The following EHHADH variants were observed in gnomAD, a reference collection of about 807,000 sequenced individuals.
EHHADH encodes enoyl-CoA hydratase and 3-hydroxyacyl CoA dehydrogenase, also known as peroxisomal bifunctional enzyme.
In EHHADH, 48 loss-of-function variants were observed where a neutral mutation model predicts 64.4. The ratio of observed to expected loss-of-function variants is 0.75; its 90% CI spans 0.59 to 0.95. The LOEUF is 0.95. Among genes scored for constraint, EHHADH ranks in the 40% least tolerant of loss-of-function variants. The pLI, the probability that EHHADH is intolerant of heterozygous loss-of-function variation, is 0.00. For missense variants in EHHADH, 854 were observed against 876.6 expected (o/e 0.97, Z 0.33); for synonymous variants, 308 against 326.7 (o/e 0.94, Z 0.62).
chr3:185,219,144 C>T (rs1416762528), intron 4 of EHHADH, among the ~76,000 whole-genome samples: 2 of 152,140 alleles, frequency 1.3e-5, no homozygotes, highest in Admixed American at 1.3e-4. Flanking sequence ...ATTAAAATTA[C>T]CTAGGACAAA....
chr3:185,195,786 G>A (rs778221181), intron 6 of EHHADH, among the ~76,000 whole-genome samples: 19 of 152,164 alleles, frequency 1.2e-4, no homozygotes, highest in Admixed American at 5.2e-4. Flanking sequence ...AAGGGGGAGT[G>A]AGGGAAGACG....
In EHHADH at chr3:185,218,100, T is replaced by C. The variant is rs767269605; in HGVS notation, c.568+36A>G. 30 of 1,474,112 alleles carry C rather than the reference T, an allele frequency of 2.0e-5. No homozygotes were observed. In the East Asian group the frequency reaches 6.2e-4, roughly 31 times the overall value. The allele number at this position is 1,474,112 out of a possible 1,614,324, so 91.3% of individuals were successfully genotyped here. On this transcript the variant is annotated intron_variant, in intron 5 of 6. Transcript: ENST00000231887. ...TATTTAAATGAACATGTATCCTGTT[T>C]ACAGTCTTTGGCTATTTTTATTATT...
At chr3:185,240,219 TTTTTG>T (rs1273980502) in intron 2 of EHHADH, among the ~76,000 whole-genome samples, 3 of 147,056 alleles carry the variant, frequency 2.0e-5, no homozygotes, top group African/African-American at 7.5e-5. Context: ...TGGCCTTTAG[TTTTTG>T]TTTTTTTTTT....
chr3:185,238,506 T>A (rs762896986), intron 2 of EHHADH, among the ~76,000 whole-genome samples: 6 of 152,198 alleles, frequency 3.9e-5, no homozygotes, highest in African/African-American at 2.4e-5. Context: ...TGATGATTAG[T>A]GATGTTGAGA....
intron 2 of EHHADH, among the ~76,000 whole-genome samples, chr3:185,243,041 T>C (rs1719499957): frequency 6.6e-6 from 1 of 152,240 alleles, no homozygotes; most frequent in Non-Finnish European, 1.5e-5. Flanking sequence ...CCTTTCCTGC[T>C]GCTTCCTCCA....
Position 185,216,712 on chromosome 3 carries a change from C to G in EHHADH, c.568+1424G>C, listed in dbSNP as rs777149076. Among the ~76,000 whole-genome samples, 1 of 152,108 alleles carries G rather than the reference C, an allele frequency of 6.6e-6. No individual in the cohort carries two copies. Among genetic ancestry groups the G allele is most frequent in the Non-Finnish European group, 1.5e-5 (1 of 68,014 alleles). ...TTTCAGGAAAGTGTTTGGTCTCTGC[C>G]AAGGTCAACAAAAGAATGACTCCTT... On this transcript the variant is annotated intron_variant, in intron 5 of 6. Coordinates refer to ENST00000231887, the MANE Select transcript of EHHADH (RefSeq NM_001966.4). This position sits in a 1 kb window ranked among gnomAD's most constrained non-coding sequence, Gnocchi z 5.3.
chr3:185,217,995 G>C, intron 5 of EHHADH, 141 bp downstream of exon 5: 1 of 436,614 alleles, frequency 2.3e-6, no homozygotes, highest in East Asian at 3.9e-5. Context: ...TCGATCTCCT[G>C]ACCTCGTGAT....
intron 5 of EHHADH, among the ~76,000 whole-genome samples, chr3:185,215,629 A>G (rs928263877): frequency 6.6e-6 from 1 of 152,220 alleles, no homozygotes; most frequent in African/African-American, 2.4e-5. Context: ...CCCCCTTAAA[A>G]TGCATGAATT....
intron 1 of EHHADH, chr3:185,253,705 T>G (rs1719812715): frequency 6.9e-6 from 6 of 866,694 alleles, no homozygotes; most frequent in African/African-American, 1.8e-5. Flanking sequence ...TCAGTTTCCT[T>G]ATCAGTAAAA....
At chr3:185,220,263 C>T (rs1240011011) in intron 4 of EHHADH, among the ~76,000 whole-genome samples, 2 of 152,152 alleles carry the variant, frequency 1.3e-5, no homozygotes, top group African/African-American at 4.8e-5. Flanking sequence ...CAATGGGATT[C>T]CAAGTACAGT....
chr3:185,232,509 T>C (rs371720796), intron 3 of EHHADH, among the ~76,000 whole-genome samples: 2 of 152,162 alleles, frequency 1.3e-5, no homozygotes, highest in East Asian at 1.9e-4. Flanking sequence ...AGTGCAATGG[T>C]GCGATCTCGG....
intron 5 of EHHADH, among the ~76,000 whole-genome samples, chr3:185,209,602 C>T (rs1457268740): frequency 6.6e-6 from 1 of 152,134 alleles, no homozygotes; most frequent in Non-Finnish European, 1.5e-5. Context: ...GGCATTGAGC[C>T]CCTCTGGCAT....
chr3:185,250,662 T>G (rs921535495), intron 1 of EHHADH, among the ~76,000 whole-genome samples: 4 of 151,788 alleles, frequency 2.6e-5, no homozygotes, highest in African/African-American at 9.7e-5. Flanking sequence ...CAACAACTAT[T>G]AGTTAAAACC....
intron 4 of EHHADH, among the ~76,000 whole-genome samples, chr3:185,224,890 G>A (rs940224423): frequency 3.3e-5 from 5 of 152,170 alleles, no homozygotes; most frequent in African/African-American, 1.2e-4. Context: ...GAGCTAGATA[G>A]TCCAGGGTAA....
At position 185,204,640 on chromosome 3, in the gene EHHADH, G is replaced by A. The variant is rs1447971993; in HGVS notation, c.686C>T (p.Ala229Val). ...GACTGCACGGACACAAGCCTCCTGT[G>A]CAAGACACCCAGGGTGCTGCCTCCG... is the stretch of plus-strand genomic sequence containing the variant. ...KMRRQHPGCL[A>V]QEACVRAVQA... The change falls in exon 6 of 7, where the codon GCA becomes GTA. Residue 229 changes from alanine to valine, a missense_variant. Physicochemically the swap from Ala to Val is moderately conservative, Grantham distance 64 (BLOSUM62 0). Transcript: ENST00000231887. 1 of 1,614,220 alleles carries A rather than the reference G, an allele frequency of 6.2e-7. No homozygotes were observed.
At chr3:185,211,007 A>T (rs73050890) in intron 5 of EHHADH, among the ~76,000 whole-genome samples, 225 of 152,302 alleles carry the variant, frequency 1.5e-3, no homozygotes, top group African/African-American at 5.2e-3. Context: ...GGGCCAAACT[A>T]AGCATACCCA....
chr3:185,234,412 C>T (rs534964183), intron 3 of EHHADH, among the ~76,000 whole-genome samples: 1 of 152,196 alleles, frequency 6.6e-6, no homozygotes, highest in Non-Finnish European at 1.5e-5. Flanking sequence ...AATACTCATA[C>T]TGCATGAGCA....
intron 5 of EHHADH, among the ~76,000 whole-genome samples, chr3:185,211,864 A>G (rs1390006668): frequency 6.6e-6 from 1 of 152,264 alleles, no homozygotes; most frequent in Non-Finnish European, 1.5e-5. Flanking sequence ...TAAAAGCCAC[A>G]ACTCCAAAAG....
At chr3:185,244,066 ATC>A (rs1423059032) in intron 2 of EHHADH, among the ~76,000 whole-genome samples, 2 of 152,196 alleles carry the variant, frequency 1.3e-5, no homozygotes, top group African/African-American at 4.8e-5. Context: ...AGACAGCTAT[ATC>A]TTCTCCTTGT....
Sources: gnomAD v4.1 joint callset for allele counts (sites outside exome capture counted in the v4.1 genomes callset) on GRCh38, gnomAD v4.1.1 for gene constraint, Gnocchi (gnomAD v3.1) non-coding constraint, MANE v1.5 for transcripts, NCBI Gene and HGNC (gene_info 2026-07-23, HGNC 2026-07-21) for gene names.